The following MEP1B variants were observed in gnomAD, a reference collection of about 807,000 sequenced individuals.
The protein encoded by MEP1B is meprin A subunit beta.
MEP1B carries 80 observed loss-of-function variants against 84.6 expected under a neutral mutation model. That is an observed-to-expected ratio of 0.95 (90% confidence interval 0.79 to 1.14). MEP1B has a LOEUF of 1.14. Among genes scored for constraint, MEP1B ranks in the 50% most tolerant of loss-of-function variants. The pLI, the probability that MEP1B is intolerant of heterozygous loss-of-function variation, is 0.00. For synonymous variants in MEP1B, 273 were observed against 288.1 expected, an observed-to-expected ratio of 0.95 and a Z score of 0.53; for missense variants, 766 against 855.1, an observed-to-expected ratio of 0.90 and a Z score of 1.30.
chr18:32,195,331 T>A (rs1262514743), intron 4 of MEP1B, 76 bp from the exon 5 acceptor site: 2 of 906,252 alleles, frequency 2.2e-6, no homozygotes, highest in Non-Finnish European at 3.5e-6. Flanking sequence ...ACTTCATTTA[T>A]TTCTAGATTA....
chr18:32,217,680 A>G, intron 13 of MEP1B, 81 bp from the exon 14 acceptor site: 2 of 1,159,738 alleles, frequency 1.7e-6, no homozygotes, highest in Non-Finnish European at 2.5e-6. Context: ...AATAGACTAA[A>G]GGTGATCCAC....
At chr18:32,206,069 C>T (rs773309835) in intron 7 of MEP1B, among the ~76,000 whole-genome samples, 20 of 152,040 alleles carry the variant, frequency 1.3e-4, no homozygotes, top group Non-Finnish European at 2.9e-4. Flanking sequence ...GCAACCTCCA[C>T]CTCCTGGGTT....
At chr18:32,204,454 T>C (rs2040944800) in intron 7 of MEP1B, 94 bp downstream of exon 7, 1 of 1,115,654 alleles carries the variant, frequency 9.0e-7, no homozygotes, top group Non-Finnish European at 1.3e-6. Flanking sequence ...TTAATAATTT[T>C]AAAACTTTGA....
At chr18:32,199,022 T>A (rs981620504) in intron 5 of MEP1B, among the ~76,000 whole-genome samples, 9 of 152,154 alleles carry the variant, frequency 5.9e-5, no homozygotes, top group African/African-American at 2.2e-4. Context: ...CAGTCCTGGG[T>A]AGCTGAGGGC....
intron 11 of MEP1B, among the ~76,000 whole-genome samples, chr18:32,214,228 C>A (rs2041059867): frequency 6.6e-6 from 1 of 152,150 alleles, no homozygotes; most frequent in African/African-American, 2.4e-5. Flanking sequence ...ACTTGCTAAT[C>A]ATGACATCAT....
At chr18:32,207,794 T>C (rs1037284297) in intron 8 of MEP1B, among the ~76,000 whole-genome samples, 4 of 152,222 alleles carry the variant, frequency 2.6e-5, no homozygotes, top group Non-Finnish European at 5.9e-5. Context: ...TATGTCTAGT[T>C]GTAATATGAA....
At chr18:32,190,601 C>G (rs2040793126) in intron 1 of MEP1B, among the ~76,000 whole-genome samples, 1 of 152,122 alleles carries the variant, frequency 6.6e-6, no homozygotes, top group Non-Finnish European at 1.5e-5. Flanking sequence ...GTTTGTATCA[C>G]AAACCAACCC....
At chr18:32,218,576 C>T (rs535504055) in intron 14 of MEP1B, among the ~76,000 whole-genome samples, 141 of 152,242 alleles carry the variant, frequency 9.3e-4, no homozygotes, top group African/African-American at 3.2e-3. Flanking sequence ...GATATTTGTA[C>T]GCAGGAGGTT....
chr18:32,215,277 T>C lies in MEP1B; in HGVS notation c.1759+16T>C, dbSNP rs774609391. ...ACAGTGGAAGGTATGTCAATAAAAA[T>C]AGTTTTATATAAACTAGTTTTTTTT... On this transcript the variant is annotated intron_variant, in intron 12 of 14. Coordinates refer to ENST00000269202, the MANE Select transcript of MEP1B (RefSeq NM_005925.3). The C allele has an allele frequency of 2.0e-6, 3 of 1,517,458 alleles. No homozygotes were observed. The highest frequency in any genetic ancestry group is 2.7e-6 in the Non-Finnish European group (3 of 1,127,966). The allele number at this position is 1,517,458 out of a possible 1,614,324, so 94.0% of individuals were successfully genotyped here.
rs571997249 is a variant in MEP1B, at chr18:32,196,875, C to T, written c.250+1390C>T. On this transcript the variant is annotated intron_variant, in intron 5 of 14. Coordinates refer to ENST00000269202, the MANE Select transcript of MEP1B (RefSeq NM_005925.3). This position sits in a 1 kb window ranked among gnomAD's most constrained non-coding sequence, Gnocchi z 4.4. Reference sequence around the variant, plus strand: ...GTACTTGCCCATGATGTAGTGGAGGCGGGCAAGGAGGCGCAGGCAGGCTCA... The same window carrying T: ...GTACTTGCCCATGATGTAGTGGAGGTGGGCAAGGAGGCGCAGGCAGGCTCA... 5 of 486,826 alleles carry T rather than the reference C, an allele frequency of 1.0e-5. No homozygotes were observed. Among genetic ancestry groups the T allele is most frequent in the East Asian group, 4.5e-5 (1 of 22,414 alleles). 30.2% of individuals were successfully genotyped at this position (486,826 alleles called of 1,614,324 possible).
At chr18:32,202,354 T>C (rs2040920621) in intron 5 of MEP1B, among the ~76,000 whole-genome samples, 2 of 152,202 alleles carry the variant, frequency 1.3e-5, no homozygotes, top group Non-Finnish European at 2.9e-5. Flanking sequence ...GAGCATTGGC[T>C]CTTACCCTTA....
At chr18:32,219,730 G>A (rs2041130145) in intron 14 of MEP1B, among the ~76,000 whole-genome samples, 1 of 151,556 alleles carries the variant, frequency 6.6e-6, no homozygotes, top group African/African-American at 2.4e-5. Flanking sequence ...AAAGAAGGAA[G>A]CTAGGAAGCT....
At chr18:32,216,246 T>C (rs548030914) in intron 12 of MEP1B, among the ~76,000 whole-genome samples, 3 of 152,316 alleles carry the variant, frequency 2.0e-5, no homozygotes, top group Admixed American at 6.5e-5. Flanking sequence ...CAGTGTCCAT[T>C]AGAGTAAATC....
At chr18:32,209,265 T>C (rs2040997924) in intron 9 of MEP1B, among the ~76,000 whole-genome samples, 1 of 152,180 alleles carries the variant, frequency 6.6e-6, no homozygotes, top group African/African-American at 2.4e-5. Flanking sequence ...GGTGGGCGGA[T>C]TACCTGAGGT....
chr18:32,196,670 C>A lies in MEP1B; in HGVS notation c.250+1185C>A. 3.0e-6 allele frequency: 2 copies of A among 665,114 alleles called. No individual in the cohort carries two copies. Among genetic ancestry groups the A allele is most frequent in the South Asian group, 1.7e-5 (1 of 60,320 alleles). The allele number at this position is 665,114 out of a possible 1,614,324, so 41.2% of individuals were successfully genotyped here. A position where few individuals can be genotyped will look rare whatever the true frequency, so the allele number is the denominator to read the frequency against. The stretch of plus-strand genomic sequence containing the variant: ...GCACGCCACCTCGGGGTGTCTTCCC[C>A]AAGCACCAGCGCATGAGGTAGTGGG... On this transcript the variant is annotated intron_variant, in intron 5 of 14. Coordinates refer to ENST00000269202, the MANE Select transcript of MEP1B (RefSeq NM_005925.3). The surrounding 1 kb of genome is among the most constrained non-coding windows in gnomAD (Gnocchi z 4.4).
chr18:32,214,683 A>C (rs2041064385), intron 11 of MEP1B, among the ~76,000 whole-genome samples: 1 of 152,238 alleles, frequency 6.6e-6, no homozygotes, highest in Non-Finnish European at 1.5e-5. Flanking sequence ...CTCTCTCAGC[A>C]ACATATTGCT....
rs191833564 is a variant in MEP1B, at chr18:32,213,961, T to C, written c.1579+402T>C. ...TGTAAAGCCAGGGCTGTAGTAATCA[T>C]TCCACAGATTTGCTATGAGAATTAG... On this transcript the variant is annotated intron_variant, in intron 11 of 14. Coordinates refer to ENST00000269202, the MANE Select transcript of MEP1B (RefSeq NM_005925.3). Among the ~76,000 whole-genome samples, 4 of 152,314 alleles carry C rather than the reference T, an allele frequency of 2.6e-5. No individual in the cohort carries two copies. The East Asian group carries it at 7.7e-4, about 29-fold the overall frequency.
intron 4 of MEP1B, among the ~76,000 whole-genome samples, chr18:32,193,904 T>G (rs1251172362): frequency 6.6e-6 from 1 of 152,094 alleles, no homozygotes; most frequent in African/African-American, 2.4e-5. Flanking sequence ...ATATCTCTGG[T>G]CCTCTCCTTT....
At chr18:32,199,650 CT>C (rs1181848062) in intron 5 of MEP1B, among the ~76,000 whole-genome samples, 3 of 145,436 alleles carry the variant, frequency 2.1e-5, no homozygotes, top group East Asian at 2.0e-4. Flanking sequence ...TTAATTCTTC[CT>C]TTTTTTCCTT....
Sources: allele counts gnomAD v4.1 joint callset (sites outside exome capture counted in the v4.1 genomes callset), GRCh38; gene constraint gnomAD v4.1.1; non-coding constraint Gnocchi (gnomAD v3.1); transcripts MANE v1.5; gene names NCBI Gene and HGNC (gene_info 2026-07-23, HGNC 2026-07-21).